Variants in NEK3 observed in about 807,000 individuals in gnomAD.
NEK3 encodes serine/threonine-protein kinase Nek3.
Under a neutral mutation model 66.0 loss-of-function variants are expected in NEK3, and 54 were observed. The ratio of observed to expected loss-of-function variants is 0.82; its 90% CI spans 0.66 to 1.03. NEK3 has a LOEUF of 1.03. Ranked by LOEUF, NEK3 falls within the 50% of genes least tolerant of loss-of-function variation. The probability of loss-of-function intolerance (pLI) is 0.00; values close to 1 mark genes in which losing one functional copy is unlikely to be tolerated. For synonymous variants in NEK3, 200 were observed against 206.2 expected (o/e 0.97, Z 0.26); for missense variants, 593 against 603.0 (o/e 0.98, Z 0.17).
chr13:52,138,497 C>A (rs1346878736), intron 11 of NEK3, among the ~76,000 whole-genome samples: 1 of 152,132 alleles, frequency 6.6e-6, no homozygotes, highest in African/African-American at 2.4e-5. Flanking sequence ...GGTCTGTATT[C>A]CATTTGTAGC....
In NEK3 at chr13:52,147,064, T is replaced by G. The variant is rs998095573; in HGVS notation, c.603+1351A>C. On this transcript the variant is annotated intron_variant, in intron 8 of 15. Transcript: ENST00000610828. ...CGGGACAAGTTATTTAACCTTTTTT[T>G]GTTCATATTTTTAAAAATATCTTGA... Among the ~76,000 whole-genome samples, 4 of 152,344 alleles carry G rather than the reference T, an allele frequency of 2.6e-5. 1 individual carries two copies. Among genetic ancestry groups the G allele is most frequent in the Admixed American group, 2.6e-4 (4 of 15,306 alleles).
chr13:52,133,555 T>C, intron 15 of NEK3, 134 bp downstream of exon 15: 2 of 1,195,478 alleles, frequency 1.7e-6, no homozygotes, highest in Non-Finnish European at 2.3e-6. Context: ...TATCCATTTA[T>C]GATGAAAAGT....
chr13:52,136,969 G>A, intron 11 of NEK3, 67 bp from the exon 12 acceptor site: 3 of 1,013,582 alleles, frequency 3.0e-6, no homozygotes, highest in Non-Finnish European at 2.8e-6. Context: ...AAACAAATAT[G>A]CAAAGTCAGC....
intron 8 of NEK3, among the ~76,000 whole-genome samples, chr13:52,146,759 A>G (rs977996586): frequency 6.6e-6 from 1 of 152,142 alleles, no homozygotes; most frequent in Non-Finnish European, 1.5e-5. Flanking sequence ...AAGTTGTTCT[A>G]ACTGTGTAGC....
chr13:52,153,594 A>C (rs1377355139), intron 4 of NEK3, among the ~76,000 whole-genome samples: 2 of 152,156 alleles, frequency 1.3e-5, no homozygotes, highest in Non-Finnish European at 2.9e-5. Flanking sequence ...AAATTTCAGT[A>C]CGATAAAAAC....
At position 52,143,914 on chromosome 13, in the gene NEK3, CTT is replaced by C. The variant is rs3837575; in HGVS notation, c.876_877del (p.Lys292AsnfsTer13). On this transcript the variant is annotated frameshift_variant and splice_region_variant, in exon 10 of 16. Transcript: ENST00000610828. LOFTEE classifies it high-confidence loss of function. ...AAAAAATACTCTGTCAAAATTCTTA[CTT>C]TTTTTTCTTGGTGTGTTATGCTTCG... 4 of 1,419,950 alleles carry C rather than the reference CTT, an allele frequency of 2.8e-6. No homozygotes were observed. The highest frequency in any genetic ancestry group is 3.9e-6 in the Non-Finnish European group (4 of 1,036,616). 88.0% of individuals were successfully genotyped at this position (1,419,950 alleles called of 1,614,324 possible).
chr13:52,151,066 A>G, intron 7 of NEK3, 80 bp downstream of exon 7: 2 of 1,068,392 alleles, frequency 1.9e-6, no homozygotes, highest in Non-Finnish European at 2.8e-6. Flanking sequence ...TTTTGAAGTG[A>G]CGTCAGACTC....
At chr13:52,139,815 C>G (rs766646408) in intron 11 of NEK3, among the ~76,000 whole-genome samples, 1 of 151,938 alleles carries the variant, frequency 6.6e-6, no homozygotes, top group African/African-American at 2.4e-5. Flanking sequence ...ATGAGAATTG[C>G]TTGAACCCGG....
At chr13:52,143,844 T>A in intron 10 of NEK3, 71 bp downstream of exon 10, 1 of 786,298 alleles carries the variant, frequency 1.3e-6, no homozygotes, top group Non-Finnish European at 2.1e-6. Flanking sequence ...TTAAAAATTA[T>A]ACATTTCTTT....
At chr13:52,144,064 T>G (rs868649989) in intron 9 of NEK3, 77 bp from the exon 10 acceptor site, 7 of 787,620 alleles carry the variant, frequency 8.9e-6, no homozygotes, top group Non-Finnish European at 1.4e-5. Context: ...CATTTCATCA[T>G]CAGCATTCTT....
chr13:52,140,986 C>T, intron 11 of NEK3, 34 bp downstream of exon 11: 1 of 1,547,552 alleles, frequency 6.5e-7, no homozygotes, highest in Non-Finnish European at 8.8e-7. Context: ...GGCCACCGCG[C>T]CCGGCCTCAT....
At chr13:52,133,842 A>G in intron 14 of NEK3, 27 bp from the exon 15 acceptor site, 2 of 1,574,846 alleles carry the variant, frequency 1.3e-6, no homozygotes, top group African/African-American at 1.3e-5. Flanking sequence ...CAGAAAATAT[A>G]CCAATTTAAA....
At position 52,133,069 on chromosome 13, in the gene NEK3, C is replaced by T; in HGVS notation, c.*73G>A. The T allele has an allele frequency of 5.0e-6, 6 of 1,189,032 alleles. No individual in the cohort carries two copies. In the South Asian group the frequency reaches 7.8e-5, roughly 15 times the overall value. The allele number at this position is 1,189,032 out of a possible 1,614,324, so 73.7% of individuals were successfully genotyped here. A position where few individuals can be genotyped will look rare whatever the true frequency, so the allele number is the denominator to read the frequency against. On this transcript the variant is annotated 3_prime_UTR_variant, in exon 16 of 16. Coordinates refer to ENST00000610828, the MANE Select transcript of NEK3 (RefSeq NM_002498.3). ...CAAAGGAAAATATACGTCGCATGAA[C>T]TCATGATCATCTCAGCATGAACTCC...
chr13:52,151,550 C>T (rs147589003), intron 5 of NEK3, among the ~76,000 whole-genome samples, 158 bp from the exon 6 acceptor site: 2,336 of 152,316 alleles, frequency 0.015, 72 homozygotes, highest in Admixed American at 0.081. Context: ...CCCTCTTGAT[C>T]GCTAGACATT....
chr13:52,153,794 G>T, intron 4 of NEK3, 101 bp downstream of exon 4: 1 of 756,580 alleles, frequency 1.3e-6, no homozygotes, highest in South Asian at 1.7e-5. Context: ...CTACCTTCTC[G>T]GGTAATTACA....
intron 1 of NEK3, chr13:52,157,536 T>C (rs907033049): frequency 6.6e-6 from 1 of 152,300 alleles, no homozygotes; most frequent in South Asian, 2.1e-4. Context: ...AGTGGGAGTG[T>C]TGCAGGGGTT....
chr13:52,133,298 A>G, intron 15 of NEK3, 72 bp from the exon 16 acceptor site: 1 of 1,194,276 alleles, frequency 8.4e-7, no homozygotes, highest in Non-Finnish European at 1.2e-6. Flanking sequence ...TTCAAAGCGG[A>G]ATACCACCAT....
intron 11 of NEK3, among the ~76,000 whole-genome samples, chr13:52,137,911 C>T (rs963180498): frequency 2.0e-5 from 3 of 152,186 alleles, no homozygotes; most frequent in African/African-American, 7.2e-5. Context: ...ACATGTTGCA[C>T]CCTTTTCATT....
chr13:52,142,034 T>C (rs986373933), intron 10 of NEK3, among the ~76,000 whole-genome samples: 3 of 151,748 alleles, frequency 2.0e-5, no homozygotes, highest in Admixed American at 1.3e-4. Flanking sequence ...TTGCAGTGAG[T>C]TGAGACTGCA....
Sources: allele counts gnomAD v4.1 joint callset (sites outside exome capture counted in the v4.1 genomes callset), GRCh38; gene constraint gnomAD v4.1.1; transcripts MANE v1.5; gene names NCBI Gene and HGNC (gene_info 2026-07-23, HGNC 2026-07-21).